Variants in ST8SIA1 observed in about 807,000 individuals in gnomAD.
ST8SIA1 encodes alpha-N-acetylneuraminide alpha-2,8-sialyltransferase.
A neutral mutation model predicts 35.9 loss-of-function variants in ST8SIA1; 16 were observed. That is an observed-to-expected ratio of 0.45 (90% CI 0.30 to 0.68). The LOEUF is 0.68. ST8SIA1 is among the 30% of genes least tolerant of loss of function. The pLI is 0.09. For synonymous variants in ST8SIA1, 170 were observed against 169.6 expected (o/e 1.00, Z -0.02); for missense variants, 383 against 453.6 (o/e 0.84, Z 1.41).
intron 2 of ST8SIA1, among the ~76,000 whole-genome samples, chr12:22,259,429 A>G (rs932548319): frequency 6.6e-6 from 1 of 152,094 alleles, no homozygotes; most frequent in Non-Finnish European, 1.5e-5. Context: ...CCAAAGCTTT[A>G]CAGACAAAAA....
chr12:22,197,887 C>A lies in ST8SIA1; in HGVS notation c.*3665G>T, dbSNP rs1865007014. 1 of 152,152 alleles carries A rather than the reference C, an allele frequency of 6.6e-6. No individual in the cohort carries two copies. Among genetic ancestry groups the A allele is most frequent in the Non-Finnish European group, 1.5e-5 (1 of 68,018 alleles). The allele number at this position is 152,152 out of a possible 1,614,324, so 9.4% of individuals were successfully genotyped here. A position where few individuals can be genotyped will look rare whatever the true frequency, so the allele number is the denominator to read the frequency against. On this transcript the variant is annotated 3_prime_UTR_variant, in exon 5 of 5. Coordinates refer to ENST00000396037, the MANE Select transcript of ST8SIA1 (RefSeq NM_003034.4). ...ATACAGAAGCAAAATCCAGTGAGCA[C>A]TTCCTTAACTTCTTGTATGAGAATT...
chr12:22,320,572 C>T (rs897972926), intron 1 of ST8SIA1, among the ~76,000 whole-genome samples: 7 of 152,106 alleles, frequency 4.6e-5, no homozygotes, highest in African/African-American at 1.7e-4. Flanking sequence ...AAGCCGGGAG[C>T]GGTGGCTTAC....
At chr12:22,221,242 G>A (rs1247001177) in intron 4 of ST8SIA1, among the ~76,000 whole-genome samples, 1 of 152,066 alleles carries the variant, frequency 6.6e-6, no homozygotes, top group Non-Finnish European at 1.5e-5. Flanking sequence ...ATGATGAGTG[G>A]AGACAGATGG....
chr12:22,218,512 C>T (rs542618100), intron 4 of ST8SIA1, among the ~76,000 whole-genome samples: 73 of 126,360 alleles, frequency 5.8e-4, no homozygotes, highest in African/African-American at 9.9e-4. Flanking sequence ...CAGCTACTCG[C>T]GAAGCTGAGA....
intron 1 of ST8SIA1, among the ~76,000 whole-genome samples, chr12:22,308,565 G>T (rs1776042529): frequency 6.6e-6 from 1 of 152,116 alleles, no homozygotes; most frequent in Non-Finnish European, 1.5e-5. Context: ...TTCAAGATAT[G>T]ATAAAATCTC....
At chr12:22,329,974 C>T (rs1866738623) in intron 1 of ST8SIA1, among the ~76,000 whole-genome samples, 1 of 152,158 alleles carries the variant, frequency 6.6e-6, no homozygotes, top group Non-Finnish European at 1.5e-5. Context: ...TGAGCCATAC[C>T]TTAAATACAT....
At chr12:22,233,965 T>C (rs1865447452) in intron 4 of ST8SIA1, among the ~76,000 whole-genome samples, 1 of 152,146 alleles carries the variant, frequency 6.6e-6, no homozygotes, top group African/African-American at 2.4e-5. Context: ...TTATCAAATA[T>C]AATATATTAT....
At chr12:22,247,519 A>G (rs1433465093) in intron 4 of ST8SIA1, among the ~76,000 whole-genome samples, 1 of 152,110 alleles carries the variant, frequency 6.6e-6, no homozygotes, top group Non-Finnish European at 1.5e-5. Context: ...AGTTATTATA[A>G]TGAACATACA....
chr12:22,257,262 A>C (rs1037896108), intron 2 of ST8SIA1, among the ~76,000 whole-genome samples: 1 of 151,904 alleles, frequency 6.6e-6, no homozygotes, highest in Admixed American at 6.6e-5. Flanking sequence ...CCCAGGCTGG[A>C]GTACAGTGGC....
chr12:22,300,193 C>G (rs755282895), intron 1 of ST8SIA1, among the ~76,000 whole-genome samples: 3 of 152,078 alleles, frequency 2.0e-5, no homozygotes, highest in Non-Finnish European at 4.4e-5. Context: ...CCAAGTCCTG[C>G]TAAATCTTAA....
intron 2 of ST8SIA1, among the ~76,000 whole-genome samples, chr12:22,263,523 T>C (rs898189560): frequency 2.0e-5 from 3 of 152,236 alleles, no homozygotes; most frequent in African/African-American, 7.2e-5. Flanking sequence ...TAAGTTTTGT[T>C]GATTTTGTTA....
intron 4 of ST8SIA1, among the ~76,000 whole-genome samples, chr12:22,229,985 C>T (rs554323576): frequency 5.3e-5 from 8 of 152,298 alleles, no homozygotes; most frequent in African/African-American, 9.6e-5. Context: ...ATCAAGAATG[C>T]AGAAACATGT....
intron 2 of ST8SIA1, among the ~76,000 whole-genome samples, chr12:22,285,597 C>T (rs542160657): frequency 2.0e-5 from 3 of 152,112 alleles, no homozygotes; most frequent in African/African-American, 7.2e-5. Context: ...TACAGTCGGG[C>T]GCGGTGGCTC....
At chr12:22,324,287 T>A (rs1237632581) in intron 1 of ST8SIA1, 2 of 151,804 alleles carry the variant, frequency 1.3e-5, no homozygotes, top group African/African-American at 4.9e-5. Context: ...AAAAAGATTT[T>A]AAAAAAAGAA....
intron 3 of ST8SIA1, 115 bp from the exon 4 acceptor site, chr12:22,249,213 GTTTT>G (rs771983175): frequency 2.2e-6 from 1 of 455,278 alleles, no homozygotes; most frequent in African/African-American, 2.3e-5. Context: ...TAACTGTTTT[GTTTT>G]TTGTTTTTTT....
At chr12:22,234,243 G>C (rs1479602743) in intron 4 of ST8SIA1, among the ~76,000 whole-genome samples, 1 of 138,160 alleles carries the variant, frequency 7.2e-6, no homozygotes, top group South Asian at 2.5e-4. Flanking sequence ...CTGAGTGACA[G>C]ATCAAAACTC....
chr12:22,203,150 G>C (rs1865068721), intron 4 of ST8SIA1, among the ~76,000 whole-genome samples: 1 of 152,074 alleles, frequency 6.6e-6, no homozygotes. Context: ...TGGTAGCCTG[G>C]AGACCAGGTA....
At chr12:22,204,291 G>A (rs538364258) in intron 4 of ST8SIA1, among the ~76,000 whole-genome samples, 22 of 152,220 alleles carry the variant, frequency 1.4e-4, no homozygotes, top group African/African-American at 5.1e-4. Flanking sequence ...AATAAAAATC[G>A]TGTATATTTA....
At chr12:22,303,634 T>G (rs915365748) in intron 1 of ST8SIA1, among the ~76,000 whole-genome samples, 5 of 152,210 alleles carry the variant, frequency 3.3e-5, no homozygotes, top group African/African-American at 1.2e-4. Context: ...GTTTGTTTTG[T>G]TTTGCTTAAC....
Sources: allele counts gnomAD v4.1 joint callset (sites outside exome capture counted in the v4.1 genomes callset), GRCh38; gene constraint gnomAD v4.1.1; transcripts MANE v1.5; gene names NCBI Gene and HGNC (gene_info 2026-07-23, HGNC 2026-07-21).